DDO: variants seen among roughly 807,000 people sequenced by gnomAD.
DDO encodes the protein D-aspartate oxidase, DDO.
Under a neutral mutation model 16.8 loss-of-function variants are expected in DDO, and 16 were observed. The ratio of observed to expected loss-of-function variants is 0.95; its 90% CI spans 0.65 to 1.45. The LOEUF (loss-of-function observed/expected upper bound fraction) is 1.45. DDO is among the 40% of genes most tolerant of loss of function. The pLI, the probability that DDO is intolerant of heterozygous loss-of-function variation, is 0.00. For synonymous variants in DDO, 180 were observed against 167.2 expected (o/e 1.08, Z -0.59); for missense variants, 429 against 420.3 (o/e 1.02, Z -0.18).
intron 3 of DDO, among the ~76,000 whole-genome samples, chr6:110,407,552 G>A (rs577291468): frequency 4.6e-5 from 7 of 152,258 alleles, no homozygotes; most frequent in South Asian, 4.2e-4. Context: ...TCAGAAGGCC[G>A]CAGAAAGACT....
intron 1 of DDO, among the ~76,000 whole-genome samples, 154 bp downstream of exon 1, chr6:110,415,313 A>G (rs145677830): frequency 0.016 from 2,400 of 152,308 alleles, 33 homozygotes; most frequent in Middle Eastern, 0.024. Context: ...GCTAAGAATA[A>G]CCAGCTGCCA....
At position 110,393,038 on chromosome 6, in the gene DDO, G is replaced by A; in HGVS notation, c.763C>T (p.Leu255Phe). The A allele has an allele frequency of 6.2e-7, 1 of 1,612,024 alleles. No individual in the cohort carries two copies. Among genetic ancestry groups the A allele is most frequent in the Non-Finnish European group, 8.5e-7 (1 of 1,178,128 alleles). ...GGCTCCAGAGCACAGCATCGGGAAA[G>A]AATCTCTCTGCTATTTTCTGCATCC... ...SPDAENSREILSRCCALEPSL... is the reference protein window; with the variant it reads ...SPDAENSREIFSRCCALEPSL... The change falls in exon 5 of 5, where the codon CTT becomes TTT. Residue 255 changes from leucine (L) to phenylalanine (F), a missense_variant. Transcript: ENST00000368924.
intron 3 of DDO, among the ~76,000 whole-genome samples, chr6:110,405,375 G>A (rs1015337209): frequency 2.0e-5 from 3 of 152,104 alleles, no homozygotes; most frequent in African/African-American, 7.2e-5. Context: ...TAAACACAAA[G>A]AGAAAATGAT....
rs769037452 is a variant in DDO, at chr6:110,415,520, T to G, written c.-58A>C. On this transcript the variant is annotated 5_prime_UTR_variant, in exon 1 of 5. Coordinates refer to ENST00000368924, the MANE Select transcript of DDO (RefSeq NM_001372108.2). ...CACCAAAATCTCTGGCACCAAACCTTGTTTCCCAGTGCCTGGCTGGTCTCA... is the reference window on the plus strand; with the variant it reads ...CACCAAAATCTCTGGCACCAAACCTGGTTTCCCAGTGCCTGGCTGGTCTCA... 6.2e-6 allele frequency: 10 copies of G among 1,614,218 alleles called. No individual in the cohort carries two copies. In the Middle Eastern group the frequency reaches 8.3e-4, roughly 133 times the overall value.
intron 3 of DDO, among the ~76,000 whole-genome samples, chr6:110,407,763 A>G (rs1405637499): frequency 6.6e-6 from 1 of 152,228 alleles, no homozygotes; most frequent in East Asian, 1.9e-4. Context: ...TTTATTCTCA[A>G]ATTTTCATTT....
In DDO at chr6:110,413,438, C is replaced by G. The variant is rs763820347; in HGVS notation, c.25G>C (p.Val9Leu). 3.3e-5 allele frequency: 54 copies of G among 1,613,624 alleles called. No individual in the cohort carries two copies. Among genetic ancestry groups the G allele is most frequent in the Non-Finnish European group, 4.3e-5 (51 of 1,180,030 alleles). The part of the protein sequence containing the change: MDTARIAV[V>L]GAGVVGLSTA... ...GAGAGCCCCACCACACCTGCCCCGA[C>G]AACTGCAATCCGTGCTGTGTCCATG... Residue 9 changes from valine (V) to leucine (L), a missense_variant, in exon 2 of 5, where the codon GTC becomes CTC. Physicochemically the swap from Val to Leu is conservative, Grantham distance 32. Coordinates refer to ENST00000368924, the MANE Select transcript of DDO (RefSeq NM_001372108.2).
intron 4 of DDO, among the ~76,000 whole-genome samples, chr6:110,395,233 T>C (rs2114809595): frequency 1.3e-5 from 2 of 152,294 alleles, no homozygotes; most frequent in Middle Eastern, 6.8e-3. Context: ...AAAGCCTGAA[T>C]AAAACAAAAA....
intron 3 of DDO, among the ~76,000 whole-genome samples, chr6:110,407,197 T>G (rs190836449): frequency 6.6e-6 from 1 of 152,300 alleles, no homozygotes; most frequent in Admixed American, 6.5e-5. Flanking sequence ...TTTCCAAAAA[T>G]TACTTAGAGC....
chr6:110,392,865 T>G lies in DDO; in HGVS notation c.936A>C (p.Ser312=). 6.2e-7 allele frequency: 1 copy of G among 1,614,138 alleles called. No homozygotes were observed. ...CCTCCAGAGCAGTGCCCCAGTGCAC[T>G]GAGATGCCCCCACTCCCATGGCCAT... The part of the protein sequence containing the change: ...HHYGHGSGGI[S]VHWGTALEAA... The change falls in exon 5 of 5, where the codon TCA becomes TCC. Residue 312 remains serine (S), a synonymous_variant. Transcript: ENST00000368924.
chr6:110,411,340 GA>G (rs1482332912), intron 2 of DDO, among the ~76,000 whole-genome samples: 2 of 151,450 alleles, frequency 1.3e-5, no homozygotes, highest in Non-Finnish European at 2.9e-5. Context: ...ACACGGCCAA[GA>G]AAAACCTCTA....
intron 4 of DDO, among the ~76,000 whole-genome samples, chr6:110,398,399 C>T (rs1244658507): frequency 1.3e-5 from 1 of 74,748 alleles, no homozygotes. Context: ...CACACACACA[C>T]ACACACACAC....
At chr6:110,406,317 T>C (rs1773654363) in intron 3 of DDO, among the ~76,000 whole-genome samples, 1 of 152,070 alleles carries the variant, frequency 6.6e-6, no homozygotes, top group African/African-American at 2.4e-5. Context: ...ACATCCACTC[T>C]TTTCCCAATC....
At chr6:110,391,722 C>T (rs1449182357), downstream of DDO, 1 of 152,204 alleles carries the variant, frequency 6.6e-6, no homozygotes, top group Non-Finnish European at 1.5e-5. Flanking sequence ...AGAGGATTCA[C>T]AATACACGTG....
chr6:110,408,543 G>C, intron 2 of DDO, 101 bp from the exon 3 acceptor site: 1 of 1,022,368 alleles, frequency 9.8e-7, no homozygotes, highest in Non-Finnish European at 1.4e-6. Flanking sequence ...AAAAAATAAG[G>C]AGGCAAAAAT....
chr6:110,403,750 C>G (rs893246650), intron 4 of DDO, among the ~76,000 whole-genome samples: 6 of 152,140 alleles, frequency 3.9e-5, no homozygotes, highest in Non-Finnish European at 8.8e-5. Flanking sequence ...TTTATTTTAC[C>G]ATGTGTGTTA....
downstream of DDO, among the ~76,000 whole-genome samples, chr6:110,391,598 G>T (rs545258106): frequency 9.9e-5 from 15 of 152,112 alleles, no homozygotes; most frequent in African/African-American, 3.1e-4. Context: ...GCCTCCCAAA[G>T]TGCTGGGATT....
intron 4 of DDO, among the ~76,000 whole-genome samples, chr6:110,402,158 T>A (rs2114823407): frequency 6.6e-6 from 1 of 152,312 alleles, no homozygotes; most frequent in East Asian, 1.9e-4. Context: ...ACATGACAAC[T>A]GAAGACAATG....
chr6:110,413,317 C>T lies in DDO; in HGVS notation c.146G>A (p.Gly49Glu). Residue 49 changes from glycine to glutamate, a missense_variant, in exon 2 of 5, where the codon GGA becomes GAA. Transcript: ENST00000368924. The stretch of plus-strand genomic sequence containing the variant: ...TGGATAAGTGTGAGGAATAAGCATT[C>T]CGGCTGCCACATCACTGGTGGTATC... ...TPDTTSDVAA[G>E]MLIPHTYPDT... 1 of 1,614,100 alleles carries T rather than the reference C, an allele frequency of 6.2e-7. No homozygotes were observed. The highest frequency in any genetic ancestry group is 1.1e-5 in the South Asian group (1 of 91,070).
intron 3 of DDO, among the ~76,000 whole-genome samples, chr6:110,407,518 A>G (rs1773698661): frequency 6.6e-6 from 1 of 152,200 alleles, no homozygotes; most frequent in Non-Finnish European, 1.5e-5. Context: ...CCTGACATCA[A>G]AAGAGGAGAT....
Sources: gnomAD v4.1 joint callset for allele counts (sites outside exome capture counted in the v4.1 genomes callset) on GRCh38, gnomAD v4.1.1 for gene constraint, MANE v1.5 for transcripts, NCBI Gene and HGNC (gene_info 2026-07-23, HGNC 2026-07-21) for gene names.